KANK3: variants seen among roughly 807,000 people sequenced by gnomAD.
The protein encoded by KANK3 is KN motif and ankyrin repeat domain-containing protein 3.
A neutral mutation model predicts 65.4 loss-of-function variants in KANK3; 61 were observed. The ratio of observed to expected loss-of-function variants is 0.93; its 90% CI spans 0.76 to 1.15. KANK3 has a LOEUF of 1.15. Among genes scored for constraint, KANK3 ranks in the 50% most tolerant of loss-of-function variants. The pLI, the probability that KANK3 is intolerant of heterozygous loss-of-function variation, is 0.00. For missense variants in KANK3, 1,187 were observed against 1,178.8 expected (o/e 1.01, Z -0.10); for synonymous variants, 586 against 543.3 (o/e 1.08, Z -1.09).
At position 8,335,767 on chromosome 19, in the gene KANK3, C is replaced by G. The variant is rs11669559; in HGVS notation, c.60G>C (p.Pro20=). ...TGCGTGCGCCCCCGGCGGCGGGGAC[C>G]GGGCACAGGCGGGGGCCGCCCAGGT... ...LPDLGGPRLC[P]VPAAGGARSP... Residue 20 remains proline (P), a synonymous_variant, in exon 3 of 11, where the codon CCG becomes CCC. Coordinates refer to ENST00000330915, the MANE Select transcript of KANK3 (RefSeq NM_198471.3). 0.13 allele frequency: 156,763 copies of G among 1,239,406 alleles called. 10,676 individuals are homozygous for G. Among genetic ancestry groups the G allele is most frequent in the Middle Eastern group, 0.22 (841 of 3,748 alleles). The allele number at this position is 1,239,406 out of a possible 1,614,324, so 76.8% of individuals were successfully genotyped here. A position where few individuals can be genotyped will look rare whatever the true frequency, so the allele number is the denominator to read the frequency against.
intron 2 of KANK3, 98 bp downstream of exon 2, chr19:8,337,690 AGAGGACT>A (rs1229011027): frequency 3.0e-6 from 4 of 1,333,000 alleles, no homozygotes; most frequent in Middle Eastern, 1.8e-4. Context: ...ATGACATTGG[AGAGGACT>A]GCACTCTAGG....
chr19:8,327,616 C>A (rs1038640372), intron 7 of KANK3, among the ~76,000 whole-genome samples: 9 of 152,024 alleles, frequency 5.9e-5, no homozygotes, highest in African/African-American at 2.2e-4. Flanking sequence ...GGTGACAGAG[C>A]GACACTCTGC....
At position 8,334,424 on chromosome 19, in the gene KANK3, C is replaced by T. The variant is rs371277106; in HGVS notation, c.1328-5G>A. 9 of 1,613,426 alleles carry T rather than the reference C, an allele frequency of 5.6e-6. No individual in the cohort carries two copies. The highest frequency in any genetic ancestry group is 1.7e-5 in the Admixed American group (1 of 60,002). On this transcript the variant is annotated splice_polypyrimidine_tract_variant and splice_region_variant and intron_variant, in intron 3 of 10. Coordinates refer to ENST00000330915, the MANE Select transcript of KANK3 (RefSeq NM_198471.3). ...TCATGATGGATTTGAGGATGCCTGG[C>T]GGGGATGAGATGAGGGCACTGAGTT...
Position 8,333,772 on chromosome 19 carries a change from T to C in KANK3, c.1671A>G (p.Val557=). Residue 557 remains valine, a synonymous_variant, in exon 6 of 11, where the codon GTA becomes GTG. Transcript: ENST00000330915. The surrounding 1 kb of genome is among the most constrained non-coding windows in gnomAD (Gnocchi z 5.0). ...ELSPRLREAC[V]ALQRQLSRPR... ...GCCGGCTCAGCTGCCGCTGCAGCGC[T>C]ACGCACGCCTCCCTCAGACGCGGGC... The C allele has an allele frequency of 6.6e-7, 1 of 1,508,648 alleles. No homozygotes were observed. The highest frequency in any genetic ancestry group is 2.5e-5 in the East Asian group (1 of 39,990). The allele number at this position is 1,508,648 out of a possible 1,614,324, so 93.5% of individuals were successfully genotyped here.
chr19:8,324,490 G>T lies in KANK3; in HGVS notation c.2341C>A (p.Leu781Met). The T allele has an allele frequency of 6.2e-7, 1 of 1,612,452 alleles. No individual in the cohort carries two copies. Among genetic ancestry groups the T allele is most frequent in the African/African-American group, 1.3e-5 (1 of 75,006 alleles). ...LEAEQDEVAA[L>M]LHAHLSSGQP... Reference sequence around the variant, plus strand: ...CCCGAGCTCAGGTGGGCATGTAGCAGAGCGGCCACCTCATCCTGCTCAGCC... The same window carrying T: ...CCCGAGCTCAGGTGGGCATGTAGCATAGCGGCCACCTCATCCTGCTCAGCC... The change falls in exon 10 of 11, where the codon CTG (leucine) becomes ATG (methionine). Residue 781 changes from leucine (L) to methionine (M), a missense_variant. This residue lies in a region of KANK3 where 1,078 missense variants were observed against 1,038.2 expected (regional missense o/e 1.04). Transcript: ENST00000330915.
In KANK3 at chr19:8,322,886, C is replaced by G. The variant is rs1255921646; in HGVS notation, c.2419G>C (p.Gly807Arg). The change falls in exon 11 of 11, where the codon GGT becomes CGT. Residue 807 changes from glycine to arginine, a missense_variant. Coordinates refer to ENST00000330915, the MANE Select transcript of KANK3 (RefSeq NM_198471.3). ...SPPGSQTATP[G>R]EGECGDNGEN... is the part of the protein sequence containing the mutation. ...CCATTGTCACCGCATTCTCCTTCAC[C>G]AGGTGTGGCTGTCTGGGAGCCAGGG... 1.9e-6 allele frequency: 3 copies of G among 1,573,134 alleles called. No individual in the cohort carries two copies. In the South Asian group the frequency reaches 3.5e-5, roughly 18 times the overall value.
At chr19:8,341,119 C>T (rs1218655575) in intron 1 of KANK3, among the ~76,000 whole-genome samples, 3 of 151,978 alleles carry the variant, frequency 2.0e-5, no homozygotes, top group African/African-American at 4.8e-5. Context: ...GATCCAGAGG[C>T]TGGGCTAAGA....
At position 8,335,287 on chromosome 19, in the gene KANK3, A is replaced by G. The variant is rs1489989281; in HGVS notation, c.540T>C (p.Pro180=). 6.3e-5 allele frequency: 76 copies of G among 1,209,544 alleles called. No homozygotes were observed. The highest frequency in any genetic ancestry group is 7.7e-5 in the Non-Finnish European group (75 of 973,726). The allele number at this position is 1,209,544 out of a possible 1,614,324, so 74.9% of individuals were successfully genotyped here. Residue 180 remains proline (P), a synonymous_variant, in exon 3 of 11, where the codon CCT becomes CCC. Coordinates refer to ENST00000330915, the MANE Select transcript of KANK3 (RefSeq NM_198471.3). The part of the protein sequence containing the change: ...APNLAPASPG[P]AQLQLVREQM... ...GCTCGCGCACCAGCTGCAGTTGGGC[A>G]GGGCCGGGCGAAGCAGGGGCAAGGT... is the stretch of plus-strand genomic sequence containing the variant.
Position 8,333,622 on chromosome 19 carries a change from T to C in KANK3, c.1719+102A>G. ...AGAGCCTGGGGTCAGGCGAGGTGCCTGGCGGGAAGGGATGGAACCCGGTGT... is the reference window on the plus strand; with the variant it reads ...AGAGCCTGGGGTCAGGCGAGGTGCCCGGCGGGAAGGGATGGAACCCGGTGT... On this transcript the variant is annotated intron_variant, in intron 6 of 10. Transcript: ENST00000330915. The surrounding 1 kb of genome is among the most constrained non-coding windows in gnomAD (Gnocchi z 5.0). 1 of 949,100 alleles carries C rather than the reference T, an allele frequency of 1.1e-6. No homozygotes were observed. The highest frequency in any genetic ancestry group is 3.2e-5 in the Admixed American group (1 of 30,958). 58.8% of individuals were successfully genotyped at this position (949,100 alleles called of 1,614,324 possible).
rs568729488 is a variant in KANK3 at position 8,324,940 on chromosome 19, C to T, written c.2082+11G>A. The stretch of plus-strand genomic sequence containing the variant: ...TCCTGGCTGAGAGCCACAGTGGGGG[C>T]GCCCACGCACCTGACTGGCCTTGGC... On this transcript the variant is annotated intron_variant, in intron 8 of 10. Coordinates refer to ENST00000330915, the MANE Select transcript of KANK3 (RefSeq NM_198471.3). 1.3e-5 allele frequency: 21 copies of T among 1,611,436 alleles called. No homozygotes were observed. In the South Asian group the frequency reaches 1.3e-4, roughly 10 times the overall value.
rs1970592105 is a variant in KANK3 at position 8,334,534 on chromosome 19, T to C, written c.1293A>G (p.Gly431=). 1 of 1,602,826 alleles carries C rather than the reference T, an allele frequency of 6.2e-7. No homozygotes were observed. Among genetic ancestry groups the C allele is most frequent in the Admixed American group, 1.7e-5 (1 of 59,866 alleles). ...CCACGGCCCTGTCTCCGTCCATGGA[T>C]CCGGGCGAGCTCTCCTGAGTCAAGG... The part of the protein sequence containing the change: ...APSLTQESSP[G]SMDGDRAVAP... Residue 431 remains glycine, a synonymous_variant, in exon 3 of 11, where the codon GGA becomes GGG. Transcript: ENST00000330915.
chr19:8,337,775 C>A lies in KANK3; in HGVS notation c.34+20G>T. 1 of 1,612,286 alleles carries A rather than the reference C, an allele frequency of 6.2e-7. No individual in the cohort carries two copies. The highest frequency in any genetic ancestry group is 8.5e-7 in the Non-Finnish European group (1 of 1,179,932). ...TGTGCATGCGCACACACACACACATCTCTCTTTTTGCACACTCACCGGGCA... is the reference window on the plus strand; with the variant it reads ...TGTGCATGCGCACACACACACACATATCTCTTTTTGCACACTCACCGGGCA... On this transcript the variant is annotated intron_variant, in intron 2 of 10. Coordinates refer to ENST00000330915, the MANE Select transcript of KANK3 (RefSeq NM_198471.3).
At chr19:8,337,199 A>ATTTTT (rs33926642) in intron 2 of KANK3, among the ~76,000 whole-genome samples, 84 of 88,834 alleles carry the variant, frequency 9.5e-4, no homozygotes, top group Non-Finnish European at 1.4e-3. Flanking sequence ...TGCCTGGCTA[A>ATTTTT]TTTTTTTTTT....
chr19:8,329,229 A>G (rs1028484231), intron 7 of KANK3, among the ~76,000 whole-genome samples: 2 of 150,176 alleles, frequency 1.3e-5, no homozygotes, highest in African/African-American at 4.9e-5. Flanking sequence ...GCTCACTCCT[A>G]TAATCCCAAT....
Position 8,330,332 on chromosome 19 carries a change from C to T in KANK3, c.1936+2682G>A, listed in dbSNP as rs150257065. Reference sequence around the variant, plus strand: ...ATTAGAGGCTGGGCACACTGGCTCACGCCTATAATACCAGCACTTTAGGAG... The same window carrying T: ...ATTAGAGGCTGGGCACACTGGCTCATGCCTATAATACCAGCACTTTAGGAG... On this transcript the variant is annotated intron_variant, in intron 7 of 10. Transcript: ENST00000330915. Among the ~76,000 whole-genome samples, 466 of 152,248 alleles carry T rather than the reference C, an allele frequency of 3.1e-3. 2 individuals are homozygous for T. Among genetic ancestry groups the T allele is most frequent in the African/African-American group, 0.01 (431 of 41,554 alleles).
chr19:8,333,983 G>A lies in KANK3; in HGVS notation c.1561C>T (p.Pro521Ser), dbSNP rs749305554. 1 of 1,566,642 alleles carries A rather than the reference G, an allele frequency of 6.4e-7. No individual in the cohort carries two copies. The highest frequency in any genetic ancestry group is 8.6e-7 in the Non-Finnish European group (1 of 1,162,002). Residue 521 changes from proline (P) to serine (S), a missense_variant, in exon 5 of 11, where the codon CCT (proline) becomes TCT (serine). Physicochemically the swap from Pro to Ser is moderately conservative, Grantham distance 74. Coordinates refer to ENST00000330915, the MANE Select transcript of KANK3 (RefSeq NM_198471.3). This position sits in a 1 kb window ranked among gnomAD's most constrained non-coding sequence, Gnocchi z 5.0. ...GGGSDSGTPG[P>S]PSGGDIRDPE... ...TCCCGGATGTCCCCGCCGCTGGGAG[G>A]GCCAGGGGTGCCCGAGTCGGATCCC...
At chr19:8,336,433 CA>C (rs71175838) in intron 2 of KANK3, among the ~76,000 whole-genome samples, 43 of 134,294 alleles carry the variant, frequency 3.2e-4, no homozygotes, top group Middle Eastern at 4.1e-3. Context: ...GAGAACCTCT[CA>C]AAAAAAAAAA....
At chr19:8,328,962 G>A (rs8113711) in intron 7 of KANK3, among the ~76,000 whole-genome samples, 79 of 152,012 alleles carry the variant, frequency 5.2e-4, no homozygotes, top group African/African-American at 1.8e-3. Flanking sequence ...GAGGTCAGGA[G>A]ATCGAGACCA....
At chr19:8,329,492 C>CA (rs59607185) in intron 7 of KANK3, among the ~76,000 whole-genome samples, 6,407 of 51,022 alleles carry the variant, frequency 0.13, 1,136 homozygotes, top group African/African-American at 0.15. Context: ...GACTCGGCCT[C>CA]AAAAAAAAAA....
Sources: allele counts gnomAD v4.1 joint callset (sites outside exome capture counted in the v4.1 genomes callset), GRCh38; gene constraint gnomAD v4.1.1; regional missense constraint gnomAD v4.1.1; non-coding constraint Gnocchi (gnomAD v3.1); transcripts MANE v1.5; gene names NCBI Gene and HGNC (gene_info 2026-07-23, HGNC 2026-07-21).